Variants in NUP93 observed in about 807,000 individuals in gnomAD.
NUP93 encodes nucleoporin 93, also known as nuclear pore complex protein Nup93.
Under a neutral mutation model 107.8 loss-of-function variants are expected in NUP93, and 55 were observed. The ratio of observed to expected loss-of-function variants is 0.51; its 90% CI spans 0.41 to 0.64. The LOEUF is 0.64. Among genes scored for constraint, NUP93 ranks in the 30% least tolerant of loss-of-function variants. NUP93 has a pLI of 0.00. For synonymous variants in NUP93, 390 were observed against 397.5 expected (o/e 0.98, Z 0.22); for missense variants, 937 against 1,044.7 (o/e 0.90, Z 1.42).
rs116457776 is a variant in NUP93 at position 56,844,623 on chromosome 16, T to C, written c.*14T>C. On this transcript the variant is annotated 3_prime_UTR_variant, in exon 22 of 22. Transcript: ENST00000308159. ...CTCATGAATTAAGTGCCATGCTTTG[T>C]GGGAGTCTGGGTCGGCACACTGTCA... 6.4e-7 allele frequency: 1 copy of C among 1,566,086 alleles called. No homozygotes were observed. The highest frequency in any genetic ancestry group is 1.2e-5 in the South Asian group (1 of 86,236).
In NUP93 at chr16:56,848,161, A is replaced by C. The variant is rs2144661467; in HGVS notation, c.*3552A>C. ...CATTAGGTGGTTCACATCACTTGCC[A>C]AATTTCCAGCATGCCACTCAGGAAG... On this transcript the variant is annotated 3_prime_UTR_variant, in exon 22 of 22. Coordinates refer to ENST00000308159, the MANE Select transcript of NUP93 (RefSeq NM_014669.5). The C allele has an allele frequency of 6.6e-6, 1 of 152,296 alleles. No homozygotes were observed. Among genetic ancestry groups the C allele is most frequent in the East Asian group, 1.9e-4 (1 of 5,186 alleles). The allele number at this position is 152,296 out of a possible 1,614,324, so 9.4% of individuals were successfully genotyped here.
At chr16:56,740,571 A>C (rs1235073595) in intron 1 of NUP93, 1 of 176,584 alleles carries the variant, frequency 5.7e-6, no homozygotes, top group African/African-American at 2.4e-5. Flanking sequence ...GGCTCCTCAC[A>C]TCCCAGACGA....
chr16:56,747,237 C>T (rs529375923), intron 1 of NUP93, among the ~76,000 whole-genome samples: 21 of 152,228 alleles, frequency 1.4e-4, no homozygotes, highest in Admixed American at 2.6e-4. Flanking sequence ...TGACCTCAGG[C>T]GATCTGCCCG....
At chr16:56,763,257 T>G (rs1962157410) in intron 3 of NUP93, among the ~76,000 whole-genome samples, 1 of 152,242 alleles carries the variant, frequency 6.6e-6, no homozygotes. Context: ...CTCATTCTGC[T>G]TTGAGCCTTT....
rs536278431 is a variant in NUP93, at chr16:56,782,226, C to T, written c.298-16250C>T. On this transcript the variant is annotated intron_variant, in intron 3 of 21. Coordinates refer to ENST00000308159, the MANE Select transcript of NUP93 (RefSeq NM_014669.5). Reference sequence around the variant, plus strand: ...TTTAAGAGCTGCAGGTAGGATTGGCCGTGTTTTGTAAAGAAATTAAGACAA... The same window carrying T: ...TTTAAGAGCTGCAGGTAGGATTGGCTGTGTTTTGTAAAGAAATTAAGACAA... The T allele has an allele frequency of 1.8e-5, 18 of 985,072 alleles. No homozygotes were observed. The South Asian group carries it at 4.7e-4, about 26-fold the overall frequency. 61.0% of individuals were successfully genotyped at this position (985,072 alleles called of 1,614,324 possible).
At chr16:56,820,416 A>C (rs986596113) in intron 6 of NUP93, among the ~76,000 whole-genome samples, 1 of 152,200 alleles carries the variant, frequency 6.6e-6, no homozygotes, top group Admixed American at 6.5e-5. Flanking sequence ...CCCAGATTCA[A>C]GTGATTCTCC....
chr16:56,813,797 C>G (rs1192887546), intron 5 of NUP93, among the ~76,000 whole-genome samples: 2 of 152,132 alleles, frequency 1.3e-5, no homozygotes, highest in Admixed American at 1.3e-4. Context: ...ACAACTTCTC[C>G]TAGGTTAATA....
intron 9 of NUP93, 85 bp downstream of exon 9, chr16:56,829,194 C>G: frequency 1.4e-6 from 2 of 1,474,910 alleles, no homozygotes; most frequent in Non-Finnish European, 1.8e-6. Flanking sequence ...ATGAGGGTAT[C>G]TGTGGAGACT....
At position 56,845,862 on chromosome 16, in the gene NUP93, CTG is replaced by C. The variant is rs1434924427; in HGVS notation, c.*1255_*1256del. 6.6e-6 allele frequency: 1 copy of C among 152,178 alleles called. No homozygotes were observed. Among genetic ancestry groups the C allele is most frequent in the African/African-American group, 2.4e-5 (1 of 41,442 alleles). The allele number at this position is 152,178 out of a possible 1,614,324, so 9.4% of individuals were successfully genotyped here. A position where few individuals can be genotyped will look rare whatever the true frequency, so the allele number is the denominator to read the frequency against. Reference sequence around the variant, plus strand: ...ACCTTTTCTTTTGGGAAGAAATAATCTGTAGATAATGGAACCAACTGCTGCTT... The same window carrying C: ...ACCTTTTCTTTTGGGAAGAAATAATCTAGATAATGGAACCAACTGCTGCTT... On this transcript the variant is annotated 3_prime_UTR_variant, in exon 22 of 22. Transcript: ENST00000308159.
At chr16:56,773,129 G>A (rs1483089468) in intron 3 of NUP93, among the ~76,000 whole-genome samples, 1 of 152,190 alleles carries the variant, frequency 6.6e-6, no homozygotes, top group Non-Finnish European at 1.5e-5. Flanking sequence ...GGTTTGAGGT[G>A]AGAGTTGCAA....
At position 56,839,529 on chromosome 16, in the gene NUP93, G is replaced by T. The variant is rs1167526618; in HGVS notation, c.2145G>T (p.Glu715Asp). Residue 715 changes from glutamate to aspartate, a missense_variant, in exon 20 of 22, where the codon GAG (glutamate) becomes GAT (aspartate). Coordinates refer to ENST00000308159, the MANE Select transcript of NUP93 (RefSeq NM_014669.5). ...GTGGTTGTTTTAAACAGATCATTGA[G>T]CGCTTGAAGCTGGTGCCCCTGAATC... Reference protein sequence around the residue: ...GHIDRAFDIIERLKLVPLNQE... With the variant: ...GHIDRAFDIIDRLKLVPLNQE... 1.6e-5 allele frequency: 26 copies of T among 1,611,446 alleles called. 1 individual carries two copies. The highest frequency in any genetic ancestry group is 1.6e-4 in the Middle Eastern group (1 of 6,064).
intron 13 of NUP93, 66 bp from the exon 14 acceptor site, chr16:56,834,062 A>G: frequency 1.9e-6 from 3 of 1,595,844 alleles, no homozygotes; most frequent in Non-Finnish European, 2.6e-6. Flanking sequence ...CAGCTTCCAT[A>G]GTTTCTGGGT....
rs903368205 is a variant in NUP93, at chr16:56,768,494, C to T, written c.297+9839C>T. On this transcript the variant is annotated intron_variant, in intron 3 of 21. Coordinates refer to ENST00000308159, the MANE Select transcript of NUP93 (RefSeq NM_014669.5). ...AGGAGAATTGCTTGAACCCGGGAGG[C>T]GGAGGTTGTGGTGAACCAAGATCAC... Among the ~76,000 whole-genome samples, 34 of 148,154 alleles carry T rather than the reference C, an allele frequency of 2.3e-4. 1 individual carries two copies. The highest frequency in any genetic ancestry group is 1.4e-3 in the Admixed American group (21 of 14,938).
intron 3 of NUP93, 42 bp from the exon 4 acceptor site, chr16:56,798,434 G>GAAAGTT (rs1567393497): frequency 6.4e-7 from 1 of 1,566,948 alleles, no homozygotes; most frequent in East Asian, 2.2e-5. Context: ...TTGATTTTTT[G>GAAAGTT]AAAGTTAATT....
At chr16:56,822,643 C>T (rs573565033) in intron 7 of NUP93, among the ~76,000 whole-genome samples, 23 of 148,222 alleles carry the variant, frequency 1.6e-4, no homozygotes, top group African/African-American at 5.2e-4. Context: ...TCACTGCAAC[C>T]TCCACCTCCT....
At chr16:56,781,733 A>G (rs1378165778) in intron 3 of NUP93, 29 of 689,778 alleles carry the variant, frequency 4.2e-5, no homozygotes, top group Non-Finnish European at 5.2e-5. Flanking sequence ...AAAAAGTATC[A>G]TAGCATTCCT....
At position 56,758,665 on chromosome 16, in the gene NUP93, G is replaced by GC; in HGVS notation, c.297+12dup. The stretch of plus-strand genomic sequence containing the variant: ...GGACACTGACATTCAGGTAAGGGCT[G>GC]CCAAGTGCAGGTGGAACCCAGAGCA... On this transcript the variant is annotated intron_variant, in intron 3 of 21. Transcript: ENST00000308159. 3.1e-6 allele frequency: 5 copies of GC among 1,598,092 alleles called. No homozygotes were observed. The highest frequency in any genetic ancestry group is 3.3e-4 in the Middle Eastern group (2 of 6,032).
At chr16:56,820,679 G>A (rs1394911794) in intron 6 of NUP93, among the ~76,000 whole-genome samples, 2 of 152,188 alleles carry the variant, frequency 1.3e-5, no homozygotes. Context: ...CCCATTTAAT[G>A]TAGAGGAAAC....
intron 18 of NUP93, 49 bp from the exon 19 acceptor site, chr16:56,838,901 CAG>C (rs2144645243): frequency 7.7e-7 from 1 of 1,293,784 alleles, no homozygotes; most frequent in Non-Finnish European, 1.1e-6. Flanking sequence ...ACGGATTACA[CAG>C]AAATTCCTGA....
Sources: gnomAD v4.1 joint callset for allele counts (sites outside exome capture counted in the v4.1 genomes callset) on GRCh38, gnomAD v4.1.1 for gene constraint, MANE v1.5 for transcripts, NCBI Gene and HGNC (gene_info 2026-07-23, HGNC 2026-07-21) for gene names.